KIF26B: variants seen among roughly 807,000 people sequenced by gnomAD.
The protein encoded by KIF26B is kinesin family member 26B.
A neutral mutation model predicts 151.2 loss-of-function variants in KIF26B; 63 were observed. The ratio of observed to expected loss-of-function variants is 0.42; its 90% confidence interval spans 0.34 to 0.51. The LOEUF is 0.51. Ranked by LOEUF, KIF26B falls within the 20% of genes least tolerant of loss-of-function variation. KIF26B has a pLI of 0.07. For synonymous variants in KIF26B, 1,357 were observed against 1,262.1 expected, an observed-to-expected ratio of 1.08 and a Z score of -1.59; for missense variants, 2,813 against 2,913.6, an observed-to-expected ratio of 0.97 and a Z score of 0.79.
At chr1:245,680,317 C>T (rs915623632) in intron 10 of KIF26B, among the ~76,000 whole-genome samples, 37 of 152,186 alleles carry the variant, frequency 2.4e-4, no homozygotes, top group African/African-American at 8.7e-4. Context: ...CAGAGGCCCA[C>T]ATGAAGGGCT....
At chr1:245,483,081 C>T (rs1660203832) in intron 4 of KIF26B, among the ~76,000 whole-genome samples, 1 of 151,640 alleles carries the variant, frequency 6.6e-6, no homozygotes, top group Admixed American at 6.6e-5. Flanking sequence ...AAGCAGGTGC[C>T]GGACAAAGCT....
At chr1:245,545,453 G>C (rs1661723502) in intron 5 of KIF26B, among the ~76,000 whole-genome samples, 2 of 152,110 alleles carry the variant, frequency 1.3e-5, no homozygotes, top group African/African-American at 4.8e-5. Context: ...TGTGCTGAGC[G>C]GTAGGCTTAG....
In KIF26B at chr1:245,707,142, A is replaced by T. The variant is rs1038789795; in HGVS notation, c.*4536A>T. The T allele has an allele frequency of 6.6e-6, 1 of 152,200 alleles. No individual in the cohort carries two copies. The highest frequency in any genetic ancestry group is 1.5e-5 in the Non-Finnish European group (1 of 68,034). The allele number at this position is 152,200 out of a possible 1,614,324, so 9.4% of individuals were successfully genotyped here. On this transcript the variant is annotated 3_prime_UTR_variant, in exon 15 of 15. Transcript: ENST00000407071. ...AAAAATTTTTTCTGAAAATTCCTGG[A>T]AACTAATTTATCCCTCCCTAAACAA...
At chr1:245,392,558 C>G (rs1349755183) in intron 3 of KIF26B, among the ~76,000 whole-genome samples, 3 of 152,132 alleles carry the variant, frequency 2.0e-5, no homozygotes, top group Non-Finnish European at 4.4e-5. Flanking sequence ...TCTCTATGGT[C>G]TTAGAGCTTC....
chr1:245,540,979 G>C lies in KIF26B; in HGVS notation c.1350+29G>C, dbSNP rs754929386. The C allele has an allele frequency of 2.5e-6, 4 of 1,583,874 alleles. No homozygotes were observed. Among genetic ancestry groups the C allele is most frequent in the South Asian group, 2.3e-5 (2 of 87,736 alleles). Reference sequence around the variant, plus strand: ...GGACCATCCGCCGTCCCTGCCATTTGCCCAGTGTGCGAGGTTCTGGATCAA... The same window carrying C: ...GGACCATCCGCCGTCCCTGCCATTTCCCCAGTGTGCGAGGTTCTGGATCAA... On this transcript the variant is annotated intron_variant, in intron 5 of 14. Transcript: ENST00000407071. This position sits in a 1 kb window ranked among gnomAD's most constrained non-coding sequence, Gnocchi z 4.6.
chr1:245,182,055 T>A (rs1668917462), intron 2 of KIF26B, among the ~76,000 whole-genome samples: 1 of 152,192 alleles, frequency 6.6e-6, no homozygotes, highest in Admixed American at 6.5e-5. Flanking sequence ...CTGAGATCAT[T>A]CTTCTATAAA....
At chr1:245,654,707 C>G (rs2044054989) in intron 10 of KIF26B, among the ~76,000 whole-genome samples, 1 of 152,154 alleles carries the variant, frequency 6.6e-6, no homozygotes, top group South Asian at 2.1e-4. Context: ...GACCGTTTCC[C>G]ACAGTGGAGA....
At chr1:245,186,152 C>T (rs1376100698) in intron 2 of KIF26B, among the ~76,000 whole-genome samples, 1 of 152,060 alleles carries the variant, frequency 6.6e-6, no homozygotes, top group African/African-American at 2.4e-5. Flanking sequence ...GGATTACAGG[C>T]GTGGGCCACT....
Position 245,363,924 on chromosome 1 carries a change from G to A in KIF26B, c.466-2910G>A, listed in dbSNP as rs1396477220. ...GCACAGCTGTGAGTGGAGGACAGCT[G>A]TGAGGAGCGGGAGTTGGTGCTGATT... On this transcript the variant is annotated intron_variant, in intron 2 of 14. Coordinates refer to ENST00000407071, the MANE Select transcript of KIF26B (RefSeq NM_018012.4). Among the ~76,000 whole-genome samples the A allele has an allele frequency of 2.0e-5, 3 of 152,214 alleles. No individual in the cohort carries two copies. In the East Asian group the frequency reaches 5.8e-4, roughly 29 times the overall value.
rs535825423 is a variant in KIF26B at position 245,167,072 on chromosome 1, G to C, written c.465+10389G>C. On this transcript the variant is annotated intron_variant, in intron 2 of 14. Transcript: ENST00000407071. The surrounding 1 kb of genome is among the most constrained non-coding windows in gnomAD (Gnocchi z 4.2). ...TCCTTTTCTACTTATTGGAGTTTACGTTCAATACTGTTGCCAACCACAAAA... is the reference window on the plus strand; with the variant it reads ...TCCTTTTCTACTTATTGGAGTTTACCTTCAATACTGTTGCCAACCACAAAA... Among the ~76,000 whole-genome samples, 1 of 152,190 alleles carries C rather than the reference G, an allele frequency of 6.6e-6. No individual in the cohort carries two copies. Among genetic ancestry groups the C allele is most frequent in the Non-Finnish European group, 1.5e-5 (1 of 68,020 alleles).
intron 5 of KIF26B, among the ~76,000 whole-genome samples, chr1:245,550,021 C>T (rs535501669): frequency 3.3e-5 from 5 of 152,140 alleles, no homozygotes; most frequent in Admixed American, 6.5e-5. Flanking sequence ...TCAGGTGATC[C>T]GCCCGCCTCG....
rs765943712 is a variant in KIF26B at position 245,156,491 on chromosome 1, C to T, written c.273C>T (p.Gly91=). 1.6e-5 allele frequency: 25 copies of T among 1,527,048 alleles called. No individual in the cohort carries two copies. The African/African-American group carries it at 3.2e-4, about 20-fold the overall frequency. The allele number at this position is 1,527,048 out of a possible 1,614,324, so 94.6% of individuals were successfully genotyped here. ...FTGSPGPASP[G]IGTSSPGSLG... ...GCTCCCCGGGACCCGCCTCCCCCGG[C>T]ATCGGCACTAGTTCGCCGGGCTCCT... The change falls in exon 2 of 15, where the codon GGC becomes GGT. Residue 91 remains glycine, a synonymous_variant. Transcript: ENST00000407071.
At chr1:245,332,546 C>T (rs1460352950) in intron 2 of KIF26B, among the ~76,000 whole-genome samples, 2 of 152,230 alleles carry the variant, frequency 1.3e-5, no homozygotes, top group African/African-American at 4.8e-5. Context: ...CCTTTCTCTC[C>T]CCTGTTGGTT....
At chr1:245,451,251 T>G (rs1049401782) in intron 4 of KIF26B, among the ~76,000 whole-genome samples, 1 of 152,178 alleles carries the variant, frequency 6.6e-6, no homozygotes, top group African/African-American at 2.4e-5. Flanking sequence ...TTCAGTACTT[T>G]AATTGTATTT....
intron 10 of KIF26B, among the ~76,000 whole-genome samples, chr1:245,650,912 G>T (rs74981779): frequency 0.053 from 8,069 of 152,190 alleles, 244 homozygotes; most frequent in South Asian, 0.12. Flanking sequence ...TCCCTCTCAC[G>T]GGTTTGGTCT....
chr1:245,696,685 G>A (rs559898755), intron 12 of KIF26B, among the ~76,000 whole-genome samples: 2 of 152,320 alleles, frequency 1.3e-5, no homozygotes, highest in East Asian at 3.9e-4. Context: ...GGTGTCTCAC[G>A]CTAAGGAGAC....
intron 3 of KIF26B, among the ~76,000 whole-genome samples, chr1:245,412,096 A>T (rs1674301750): frequency 6.6e-6 from 1 of 152,230 alleles, no homozygotes; most frequent in Admixed American, 6.5e-5. Context: ...GCATAGACAC[A>T]TCCTAAGACA....
chr1:245,379,503 T>A (rs1187451718), intron 3 of KIF26B, among the ~76,000 whole-genome samples: 1 of 152,020 alleles, frequency 6.6e-6, no homozygotes, highest in Non-Finnish European at 1.5e-5. Flanking sequence ...TTTGTGATTC[T>A]TACCGAACTC....
rs56218217 is a variant in KIF26B, at chr1:245,547,585, CAAAA to C, written c.1350+6653_1350+6656del. On this transcript the variant is annotated intron_variant, in intron 5 of 14. Transcript: ENST00000407071. ...TGGGCGACAGAGCGAGACTCCATCT[CAAAA>C]AAAAAAAAAAAAAAAAAGTGTGAAG... Among the ~76,000 whole-genome samples the C allele has an allele frequency of 5.6e-3, 639 of 114,600 alleles. 1 individual carries two copies. Among genetic ancestry groups the C allele is most frequent in the African/African-American group, 7.9e-3 (239 of 30,204 alleles). The allele number at this position is 114,600 out of a possible 152,430, so 75.2% of individuals were successfully genotyped here. A position where few individuals can be genotyped will look rare whatever the true frequency, so the allele number is the denominator to read the frequency against.
Sources: gnomAD v4.1 joint callset for allele counts (sites outside exome capture counted in the v4.1 genomes callset) on GRCh38, gnomAD v4.1.1 for gene constraint, Gnocchi (gnomAD v3.1) non-coding constraint, MANE v1.5 for transcripts, NCBI Gene and HGNC (gene_info 2026-07-23, HGNC 2026-07-21) for gene names.